The following GRM8 variants were observed in gnomAD, a reference collection of about 807,000 sequenced individuals.
GRM8 encodes glutamate metabotropic receptor 8.
In GRM8, 47 loss-of-function variants were observed where a neutral mutation model predicts 87.2. That is an observed-to-expected ratio of 0.54 (90% CI 0.43 to 0.69). The LOEUF (loss-of-function observed/expected upper bound fraction) is 0.69. Ranked by LOEUF, GRM8 falls within the 30% of genes least tolerant of loss-of-function variation. The pLI is 0.00. For synonymous variants in GRM8, 396 were observed against 404.5 expected (o/e 0.98, Z 0.25); for missense variants, 1,019 against 1,139.2 (o/e 0.89, Z 1.52).
chr7:126,987,636 A>G (rs1387472151), intron 3 of GRM8, among the ~76,000 whole-genome samples: 9 of 150,828 alleles, frequency 6.0e-5, no homozygotes, highest in Non-Finnish European at 1.5e-5. Context: ...AATTTTTTGT[A>G]TTTTTTTTAG....
intron 3 of GRM8, among the ~76,000 whole-genome samples, chr7:127,048,602 T>A (rs945572926): frequency 6.6e-6 from 1 of 152,182 alleles, no homozygotes; most frequent in African/African-American, 2.4e-5. Flanking sequence ...ACTATGCCCT[T>A]CTTCCAGATG....
chr7:126,831,025 G>A (rs531015442), intron 6 of GRM8, among the ~76,000 whole-genome samples: 8 of 152,306 alleles, frequency 5.3e-5, no homozygotes, highest in Non-Finnish European at 8.8e-5. Flanking sequence ...GCGGATTTTC[G>A]TGATCCACGA....
intron 6 of GRM8, among the ~76,000 whole-genome samples, chr7:126,853,219 G>A (rs1398337631): frequency 6.6e-6 from 1 of 152,196 alleles, no homozygotes; most frequent in African/African-American, 2.4e-5. Context: ...TGGAGACAGT[G>A]CATGCTGAAT....
chr7:126,929,033 T>C (rs1269061982), intron 3 of GRM8, among the ~76,000 whole-genome samples: 2 of 152,142 alleles, frequency 1.3e-5, no homozygotes, highest in African/African-American at 4.8e-5. Context: ...CTCTGGCAGC[T>C]GCTTTCACAC....
intron 7 of GRM8, among the ~76,000 whole-genome samples, chr7:126,732,717 T>C (rs1392127200): frequency 6.6e-6 from 1 of 151,994 alleles, no homozygotes; most frequent in African/African-American, 2.4e-5. Flanking sequence ...ATAAGGAAAA[T>C]ACCTTCATTT....
At chr7:126,662,371 A>C (rs1387887760) in intron 7 of GRM8, among the ~76,000 whole-genome samples, 1 of 152,218 alleles carries the variant, frequency 6.6e-6, no homozygotes, top group Non-Finnish European at 1.5e-5. Flanking sequence ...ATTAGCTTTA[A>C]TCAGATGAAT....
intron 9 of GRM8, among the ~76,000 whole-genome samples, chr7:126,457,517 A>T (rs1803392018): frequency 6.6e-6 from 1 of 151,520 alleles, no homozygotes; most frequent in South Asian, 2.1e-4. Context: ...GTGAAATCAG[A>T]TTAGAAAATA....
intron 6 of GRM8, among the ~76,000 whole-genome samples, chr7:126,873,811 T>TTA (rs1799306655): frequency 6.6e-6 from 1 of 152,080 alleles, no homozygotes; most frequent in African/African-American, 2.4e-5. Flanking sequence ...GCATCCATGA[T>TTA]CTCAAAAAGT....
At chr7:126,880,732 TTGCC>T (rs1453260288) in intron 6 of GRM8, among the ~76,000 whole-genome samples, 2 of 152,264 alleles carry the variant, frequency 1.3e-5, no homozygotes, top group Non-Finnish European at 2.9e-5. Context: ...CTTTGTGAAC[TTGCC>T]TCCAATCACT....
intron 7 of GRM8, among the ~76,000 whole-genome samples, chr7:126,635,526 TA>T (rs1801770442): frequency 6.6e-6 from 1 of 152,174 alleles, no homozygotes; most frequent in Non-Finnish European, 1.5e-5. Context: ...TTCCTGAGAA[TA>T]AAATTAAAAT....
At chr7:126,857,808 C>A (rs781664092) in intron 6 of GRM8, among the ~76,000 whole-genome samples, 1 of 152,114 alleles carries the variant, frequency 6.6e-6, no homozygotes, top group African/African-American at 2.4e-5. Flanking sequence ...TAGAGAACAT[C>A]TGTGGTGGCA....
At chr7:127,236,951 C>T (rs1798016629) in intron 2 of GRM8, among the ~76,000 whole-genome samples, 1 of 152,058 alleles carries the variant, frequency 6.6e-6, no homozygotes, top group Admixed American at 6.6e-5. Flanking sequence ...ACAACTACAA[C>T]CCAGTGAGAG....
intron 3 of GRM8, among the ~76,000 whole-genome samples, chr7:126,905,210 A>G (rs1262671915): frequency 6.6e-6 from 1 of 152,224 alleles, no homozygotes; most frequent in Non-Finnish European, 1.5e-5. Flanking sequence ...AGTGGTCTTC[A>G]AGGCTATGTA....
intron 3 of GRM8, among the ~76,000 whole-genome samples, chr7:126,912,270 T>A (rs1803392799): frequency 6.6e-6 from 1 of 152,134 alleles, no homozygotes; most frequent in Admixed American, 6.5e-5. Flanking sequence ...GTGGACTGAA[T>A]AAAGCAGATT....
intron 6 of GRM8, among the ~76,000 whole-genome samples, chr7:126,868,469 A>T (rs1434740078): frequency 6.6e-6 from 1 of 152,226 alleles, no homozygotes; most frequent in Non-Finnish European, 1.5e-5. Flanking sequence ...CCAGACCTTG[A>T]TGTTGGAAGA....
chr7:126,705,887 C>T (rs1323989805), intron 7 of GRM8, among the ~76,000 whole-genome samples: 1 of 151,806 alleles, frequency 6.6e-6, no homozygotes, highest in Non-Finnish European at 1.5e-5. Context: ...TGAGTTTTCA[C>T]TATATTAATT....
chr7:127,190,769 T>G (rs1197960195), intron 2 of GRM8, among the ~76,000 whole-genome samples: 1 of 152,228 alleles, frequency 6.6e-6, no homozygotes. Context: ...ACAGTGCTTA[T>G]TTTTTCTAAT....
intron 8 of GRM8, among the ~76,000 whole-genome samples, chr7:126,580,267 C>T (rs929045300): frequency 2.0e-5 from 3 of 152,042 alleles, no homozygotes; most frequent in African/African-American, 4.8e-5. Flanking sequence ...CCAAAATTTT[C>T]TTTTTAAATA....
chr7:126,441,566 C>T (rs1362548566), intron 10 of GRM8, among the ~76,000 whole-genome samples: 2 of 151,942 alleles, frequency 1.3e-5, no homozygotes, highest in Non-Finnish European at 2.9e-5. Context: ...CTTTAAAAAG[C>T]AAAGAATGTA....
Sources: gnomAD v4.1 joint callset for allele counts (sites outside exome capture counted in the v4.1 genomes callset) on GRCh38, gnomAD v4.1.1 for gene constraint, MANE v1.5 for transcripts, NCBI Gene and HGNC (gene_info 2026-07-23, HGNC 2026-07-21) for gene names.